Variants in LTF observed in about 807,000 individuals in gnomAD.
LTF encodes the protein lactotransferrin.
A neutral mutation model predicts 87.2 loss-of-function variants in LTF; 91 were observed. The observed-to-expected ratio is 1.04, with a 90% CI of 0.88 to 1.24. The LOEUF (loss-of-function observed/expected upper bound fraction) is 1.24. Among genes scored for constraint, LTF ranks in the 50% most tolerant of loss-of-function variants. LTF has a pLI of 0.00. For missense variants in LTF, 901 were observed against 904.3 expected, an observed-to-expected ratio of 1.00 and a Z score of 0.05; for synonymous variants, 378 against 356.1, an observed-to-expected ratio of 1.06 and a Z score of -0.69.
At position 46,438,144 on chromosome 3, in the gene LTF, C is replaced by CTAAAA; in HGVS notation, c.1909-16_1909-15insTTTTA. Reference sequence around the variant, plus strand: ...CCAAATTTAGCCTGCGACAAAAGGGCAGACAGTGAGTAGCTAAGGAAAAGA... The same window carrying CTAAAA: ...CCAAATTTAGCCTGCGACAAAAGGGCTAAAAAGACAGTGAGTAGCTAAGGAAAAGA... On this transcript the variant is annotated splice_polypyrimidine_tract_variant and intron_variant, in intron 15 of 16. Transcript: ENST00000231751. 6.2e-7 allele frequency: 1 copy of CTAAAA among 1,608,670 alleles called. No homozygotes were observed. Among genetic ancestry groups the CTAAAA allele is most frequent in the Non-Finnish European group, 8.5e-7 (1 of 1,176,032 alleles).
At chr3:46,454,428 A>G in intron 5 of LTF, 68 bp from the exon 6 acceptor site, 1 of 1,293,862 alleles carries the variant, frequency 7.7e-7, no homozygotes, top group Non-Finnish European at 1.1e-6. Context: ...GTGGAACAGT[A>G]GCCCTGGCAC....
chr3:46,481,786 A>T (rs1374533641), intron 1 of LTF, among the ~76,000 whole-genome samples: 2 of 152,222 alleles, frequency 1.3e-5, no homozygotes, highest in African/African-American at 4.8e-5. Flanking sequence ...CCACCAACAG[A>T]TGTAGAAATT....
At chr3:46,439,187 G>A in intron 15 of LTF, 109 bp downstream of exon 15, 1 of 1,042,886 alleles carries the variant, frequency 9.6e-7, no homozygotes, top group Non-Finnish European at 1.4e-6. Flanking sequence ...TGAGCTTCAA[G>A]TAGAGGACTA....
chr3:46,460,759 AG>A, intron 1 of LTF, among the ~76,000 whole-genome samples: 1 of 152,294 alleles, frequency 6.6e-6, no homozygotes, highest in South Asian at 2.1e-4. Context: ...CATATTGGAA[AG>A]AAAGAAGTAA....
chr3:46,437,873 TTTGGCCCTCAAACC>T, intron 16 of LTF, 53 bp downstream of exon 16: 1 of 1,269,886 alleles, frequency 7.9e-7, no homozygotes. Context: ...TAGAATGCTG[TTTGGCCCTCAAACC>T]TTGACCTTCA....
intron 1 of LTF, among the ~76,000 whole-genome samples, chr3:46,471,578 G>T (rs956582469): frequency 8.5e-5 from 13 of 152,212 alleles, no homozygotes; most frequent in Non-Finnish European, 1.9e-4. Flanking sequence ...TGTTGACCAG[G>T]TGAGTGTGGG....
upstream of LTF, among the ~76,000 whole-genome samples, chr3:46,466,180 C>T (rs957045292): frequency 6.6e-6 from 1 of 151,504 alleles, no homozygotes; most frequent in Non-Finnish European, 1.5e-5. Flanking sequence ...ATGAAGGTGG[C>T]AGTGAGCCAT....
At chr3:46,464,633 C>T (rs1430700902) in intron 1 of LTF, among the ~76,000 whole-genome samples, 192 bp downstream of exon 1, 1 of 152,216 alleles carries the variant, frequency 6.6e-6, no homozygotes, top group African/African-American at 2.4e-5. Context: ...TTGAGGAGCC[C>T]AGCTCCTGTT....
In LTF at chr3:46,459,819, C is replaced by T. The variant is rs759910838; in HGVS notation, c.44G>A (p.Gly15Glu). 1.0e-5 allele frequency: 16 copies of T among 1,534,636 alleles called. No homozygotes were observed. Among genetic ancestry groups the T allele is most frequent in the Non-Finnish European group, 1.4e-5 (16 of 1,146,750 alleles). Reference sequence around the variant, plus strand: ...CCTCCTACGGCCAGCCAGACACAGTCCTGGGAGAGAGGGGCCAAGGAGTAA... The same window carrying T: ...CCTCCTACGGCCAGCCAGACACAGTTCTGGGAGAGAGGGGCCAAGGAGTAA... ...FLVLLFLGAL[G>E]LCLAGRRRSV... Residue 15 changes from glycine (G) to glutamate (E), a missense_variant and splice_region_variant, in exon 2 of 17, where the codon GGA becomes GAA. Transcript: ENST00000231751.
chr3:46,450,131 G>T, intron 7 of LTF, 103 bp from the exon 8 acceptor site: 1 of 967,942 alleles, frequency 1.0e-6, no homozygotes. Context: ...CATTCTAACT[G>T]AGAGCAGGAG....
chr3:46,454,240 G>A, intron 6 of LTF, 65 bp downstream of exon 6: 2 of 1,419,106 alleles, frequency 1.4e-6, no homozygotes, highest in Admixed American at 3.3e-5. Context: ...TTAGCTCAAA[G>A]GTCAGAGTCA....
chr3:46,446,533 A>G (rs1025267463), intron 10 of LTF, 40 bp from the exon 11 acceptor site: 8 of 1,556,736 alleles, frequency 5.1e-6, no homozygotes, highest in Non-Finnish European at 7.1e-6. Flanking sequence ...TTATCCATTC[A>G]GATGTAGTGA....
upstream of LTF, chr3:46,468,227 T>C: frequency 2.2e-6 from 1 of 456,752 alleles, no homozygotes; most frequent in South Asian, 1.5e-5. Context: ...TGCCAAAGCC[T>C]GTGTACATGG....
At chr3:46,472,527 TGA>T (rs374266932) in intron 1 of LTF, among the ~76,000 whole-genome samples, 1,619 of 130,450 alleles carry the variant, frequency 0.012, 13 homozygotes, top group Non-Finnish European at 0.017. Flanking sequence ...TGTGTGTGTG[TGA>T]GAGAGAGAGA....
At chr3:46,471,537 G>C (rs1703286335) in intron 1 of LTF, among the ~76,000 whole-genome samples, 1 of 152,316 alleles carries the variant, frequency 6.6e-6, no homozygotes, top group South Asian at 2.1e-4. Context: ...CCACCTCCAG[G>C]CTTGGCCCAG....
At chr3:46,444,861 G>A (rs759683148) in intron 12 of LTF, among the ~76,000 whole-genome samples, 1 of 152,206 alleles carries the variant, frequency 6.6e-6, no homozygotes, top group Non-Finnish European at 1.5e-5. Context: ...CCGTTGCAGT[G>A]TAGAGTAAGC....
Position 46,459,676 on chromosome 3 carries a change from G to A in LTF, c.187C>T (p.Gln63Ter). The change falls in exon 2 of 17, where the codon CAG (glutamine) becomes TAG (stop). Residue 63 changes from glutamine to a stop codon, truncating the protein, a stop_gained. Coordinates refer to ENST00000231751, the MANE Select transcript of LTF (RefSeq NM_002343.6). LOFTEE classifies it high-confidence loss of function. The stretch of plus-strand genomic sequence containing the variant: ...CTCACCGCAATGGCCTGGATACACT[G>A]GATGGGGGAGTCTCTCTTTATGCAG... ...VSCIKRDSPI[Q>*]CIQAIAENRA... 6.5e-7 allele frequency: 1 copy of A among 1,544,274 alleles called. No homozygotes were observed. Among genetic ancestry groups the A allele is most frequent in the Admixed American group, 2.0e-5 (1 of 50,362 alleles).
Position 46,450,360 on chromosome 3 carries a change from G to A in LTF, c.882+135C>T, listed in dbSNP as rs1180688041. The A allele has an allele frequency of 3.3e-6, 3 of 912,122 alleles. No homozygotes were observed. In the Admixed American group the frequency reaches 7.5e-5, roughly 23 times the overall value. The allele number at this position is 912,122 out of a possible 1,614,324, so 56.5% of individuals were successfully genotyped here. On this transcript the variant is annotated intron_variant, in intron 7 of 16. Transcript: ENST00000231751. ...GCTGTCCACAGTACAGCCTGGGCAA[G>A]CAGCCCAATGCATTAGTGTGCTATC...
At chr3:46,456,106 C>T in intron 3 of LTF, 128 bp from the exon 4 acceptor site, 2 of 996,594 alleles carry the variant, frequency 2.0e-6, no homozygotes, top group Non-Finnish European at 2.9e-6. Context: ...TCACGTGTGT[C>T]CTCCTCTCGT....
Sources: allele counts gnomAD v4.1 joint callset (sites outside exome capture counted in the v4.1 genomes callset), GRCh38; gene constraint gnomAD v4.1.1; transcripts MANE v1.5; gene names NCBI Gene and HGNC (gene_info 2026-07-23, HGNC 2026-07-21).